The following OR5V1 variants were observed in gnomAD, a reference collection of about 807,000 sequenced individuals.
The protein encoded by OR5V1 is olfactory receptor 5V1.
For missense variants in OR5V1, 365 were observed against 371.5 expected (o/e 0.98, Z 0.14); for synonymous variants, 134 against 143.2 (o/e 0.94, Z 0.46).
intron 1 of OR5V1, among the ~76,000 whole-genome samples, chr6:29,361,298 G>T (rs1172332483): frequency 6.6e-6 from 1 of 152,110 alleles, no homozygotes; most frequent in Non-Finnish European, 1.5e-5. Flanking sequence ...GACCAAACAT[G>T]TGATTGGGTG....
rs11961490 is a variant in OR5V1, at chr6:29,355,222, T to C, written c.*8A>G. 36,937 of 1,562,970 alleles carry C rather than the reference T, an allele frequency of 0.024. 1,649 individuals carry two copies. Among genetic ancestry groups the C allele is most frequent in the African/African-American group, 0.19 (13,843 of 72,570 alleles). On this transcript the variant is annotated 3_prime_UTR_variant, in exon 2 of 2. Coordinates refer to ENST00000641768, the MANE Select transcript of OR5V1 (RefSeq NM_030876.6). ...TTTTGTAGTATAAGATTATTGAACC[T>C]GTGAGGTTCAATAAGTGAGTTTACT...
intron 1 of OR5V1, among the ~76,000 whole-genome samples, chr6:29,362,790 G>T (rs965901381): frequency 6.6e-6 from 1 of 152,144 alleles, no homozygotes; most frequent in East Asian, 1.9e-4. Context: ...CAGGGACACA[G>T]CTAGAGCAGT....
chr6:29,355,089 A>G lies in OR5V1; in HGVS notation c.*141T>C, dbSNP rs9357080. On this transcript the variant is annotated 3_prime_UTR_variant, in exon 2 of 2. Transcript: ENST00000641768. ...CTCTCATAGAACTAACTAAAGCTCAAGAATAAGTACACTTAGACTGGAGTG... is the reference window on the plus strand; with the variant it reads ...CTCTCATAGAACTAACTAAAGCTCAGGAATAAGTACACTTAGACTGGAGTG... 0.098 allele frequency: 70,012 copies of G among 716,758 alleles called. 3,744 individuals are homozygous for G. The highest frequency in any genetic ancestry group is 0.12 in the Admixed American group (3,645 of 29,918). The allele number at this position is 716,758 out of a possible 1,614,324, so 44.4% of individuals were successfully genotyped here.
Position 29,368,001 on chromosome 6 carries a change from G to A in OR5V1, c.-83+631C>T, listed in dbSNP as rs1374328623. Among the ~76,000 whole-genome samples, 11 of 152,172 alleles carry A rather than the reference G, an allele frequency of 7.2e-5. No homozygotes were observed. The East Asian group carries it at 7.7e-4, about 11-fold the overall frequency. On this transcript the variant is annotated intron_variant, in intron 1 of 1. Coordinates refer to ENST00000641768, the MANE Select transcript of OR5V1 (RefSeq NM_030876.6). The stretch of plus-strand genomic sequence containing the variant: ...AAGGAGAGGCCCCCAGAAAATTCAC[G>A]AGAATGTTTGCCCTCCAAGCTCAGT...
Position 29,355,360 on chromosome 6 carries a change from C to T in OR5V1, c.836G>A (p.Ser279Asn), listed in dbSNP as rs1164982410. 6.2e-7 allele frequency: 1 copy of T among 1,613,908 alleles called. No homozygotes were observed. Among genetic ancestry groups the T allele is most frequent in the African/African-American group, 1.3e-5 (1 of 74,910 alleles). ...KKDRLVSVLY[S>N]VVTPMLNPII... The stretch of plus-strand genomic sequence containing the variant: ...AGGGTTTAGCATGGGGGTAACAACA[C>T]TGTACAACACTGAAACCAACCTATC... Residue 279 changes from serine to asparagine, a missense_variant, in exon 2 of 2, where the codon AGT (serine) becomes AAT (asparagine). Coordinates refer to ENST00000641768, the MANE Select transcript of OR5V1 (RefSeq NM_030876.6).
intron 1 of OR5V1, among the ~76,000 whole-genome samples, chr6:29,361,648 A>T (rs1562930488): frequency 6.6e-6 from 1 of 152,156 alleles, no homozygotes; most frequent in African/African-American, 2.4e-5. Context: ...AAAAAAAAAG[A>T]ATTTTCAACT....
At chr6:29,366,850 T>A (rs1275788827) in intron 1 of OR5V1, among the ~76,000 whole-genome samples, 1 of 152,162 alleles carries the variant, frequency 6.6e-6, no homozygotes, top group African/African-American at 2.4e-5. Context: ...GAGGACACAC[T>A]TGGCTCAGCA....
Position 29,355,876 on chromosome 6 carries a change from A to G in OR5V1, c.320T>C (p.Phe107Ser). 2 of 1,614,074 alleles carry G rather than the reference A, an allele frequency of 1.2e-6. No homozygotes were observed. Among genetic ancestry groups the G allele is most frequent in the Non-Finnish European group, 8.5e-7 (1 of 1,179,962 alleles). The change falls in exon 2 of 2, where the codon TTT becomes TCT. Residue 107 changes from phenylalanine to serine, a missense_variant. By Grantham distance (155) the Phe-to-Ser change is radical (BLOSUM62 -2). Transcript: ENST00000641768. ...CVVQLFAFVF[F>S]VGSECLLLAA... ...CAGTAGGAGACACTCTGATCCTACA[A>G]AGAAAACAAATGCAAAAAGTTGAAC...
chr6:29,360,494 CCCCA>C (rs1778515964), intron 1 of OR5V1, among the ~76,000 whole-genome samples: 1 of 152,190 alleles, frequency 6.6e-6, no homozygotes, highest in Admixed American at 6.5e-5. Flanking sequence ...GAGAGAGACT[CCCCA>C]ACAGGGGTTG....
chr6:29,365,393 GCTAT>G (rs1325390253), intron 1 of OR5V1, among the ~76,000 whole-genome samples: 2 of 150,318 alleles, frequency 1.3e-5, no homozygotes, highest in African/African-American at 4.9e-5. Context: ...GAAAATTTTG[GCTAT>G]CTATCCATCT....
At position 29,355,178 on chromosome 6, in the gene OR5V1, T is replaced by A. The variant is rs1045739982; in HGVS notation, c.*52A>T. 114 of 1,511,404 alleles carry A rather than the reference T, an allele frequency of 7.5e-5. No homozygotes were observed. The highest frequency in any genetic ancestry group is 2.5e-4 in the Admixed American group (11 of 44,042). The allele number at this position is 1,511,404 out of a possible 1,614,324, so 93.6% of individuals were successfully genotyped here. A position where few individuals can be genotyped will look rare whatever the true frequency, so the allele number is the denominator to read the frequency against. ...CTTTTAAACTTTCAATAAAAACAGC[T>A]GACTGGTGAAAAAGTTAATTTTGTA... On this transcript the variant is annotated 3_prime_UTR_variant, in exon 2 of 2. Coordinates refer to ENST00000641768, the MANE Select transcript of OR5V1 (RefSeq NM_030876.6).
At position 29,355,316 on chromosome 6, in the gene OR5V1, T is replaced by A. The variant is rs1481482306; in HGVS notation, c.880A>T (p.Asn294Tyr). ...MLNPIIYTLR[N>Y]KDIKEAVKTI... ...TTGACAGCTTCTTTGATGTCCTTAT[T>A]CCTCAATGTGTAAATTATAGGGTTT... Residue 294 changes from asparagine to tyrosine, a missense_variant, in exon 2 of 2, where the codon AAT becomes TAT. Transcript: ENST00000641768. The A allele has an allele frequency of 1.2e-6, 2 of 1,613,778 alleles. No individual in the cohort carries two copies.
rs1778167220 is a variant in OR5V1, at chr6:29,354,621, A to G, written c.*609T>C. The G allele has an allele frequency of 6.6e-6, 1 of 152,194 alleles. No homozygotes were observed. The highest frequency in any genetic ancestry group is 2.1e-4 in the South Asian group (1 of 4,836). The allele number at this position is 152,194 out of a possible 1,614,324, so 9.4% of individuals were successfully genotyped here. A position where few individuals can be genotyped will look rare whatever the true frequency, so the allele number is the denominator to read the frequency against. On this transcript the variant is annotated 3_prime_UTR_variant, in exon 2 of 2. Coordinates refer to ENST00000641768, the MANE Select transcript of OR5V1 (RefSeq NM_030876.6). ...AAATTCTGCCTTTTGAATAGAATAA[A>G]GAATGCATGTCAAATGGGATTGAAA...
At chr6:29,366,627 A>G (rs1465221858) in intron 1 of OR5V1, among the ~76,000 whole-genome samples, 1 of 33,546 alleles carries the variant, frequency 3.0e-5, no homozygotes, top group Non-Finnish European at 5.4e-5. Flanking sequence ...AAGAAGGAGA[A>G]GCATAAAAGT....
chr6:29,363,362 A>G (rs1402070014), intron 1 of OR5V1, among the ~76,000 whole-genome samples: 1 of 152,182 alleles, frequency 6.6e-6, no homozygotes, highest in Non-Finnish European at 1.5e-5. Context: ...GCTGAATTCT[A>G]CCAGAGGTAC....
At chr6:29,360,989 T>C (rs536733509) in intron 1 of OR5V1, among the ~76,000 whole-genome samples, 1 of 152,184 alleles carries the variant, frequency 6.6e-6, no homozygotes, top group Admixed American at 6.5e-5. Flanking sequence ...CAAACTCCAT[T>C]GAGCTAAAGG....
Position 29,354,547 on chromosome 6 carries a change from T to G in OR5V1, c.*683A>C, listed in dbSNP as rs771631646. 6.6e-6 allele frequency: 1 copy of G among 152,120 alleles called. No individual in the cohort carries two copies. The highest frequency in any genetic ancestry group is 1.5e-5 in the Non-Finnish European group (1 of 67,970). 9.4% of individuals were successfully genotyped at this position (152,120 alleles called of 1,614,324 possible). ...AGTTTCCCAAATTTAAGATACTCTATAAAATAGTAATATGTTTTGGGGACT... is the reference window on the plus strand; with the variant it reads ...AGTTTCCCAAATTTAAGATACTCTAGAAAATAGTAATATGTTTTGGGGACT... On this transcript the variant is annotated 3_prime_UTR_variant, in exon 2 of 2. Coordinates refer to ENST00000641768, the MANE Select transcript of OR5V1 (RefSeq NM_030876.6).
intron 1 of OR5V1, among the ~76,000 whole-genome samples, chr6:29,362,129 G>A (rs957787858): frequency 6.6e-6 from 1 of 151,866 alleles, no homozygotes; most frequent in Non-Finnish European, 1.5e-5. Context: ...AAAAGCAGGG[G>A]TTGCAATCCT....
At position 29,355,473 on chromosome 6, in the gene OR5V1, A is replaced by G; in HGVS notation, c.723T>C (p.Cys241=). The change falls in exon 2 of 2, where the codon TGT becomes TGC. Residue 241 remains cysteine (C), a synonymous_variant. Coordinates refer to ENST00000641768, the MANE Select transcript of OR5V1 (RefSeq NM_030876.6). ...SEGRRKAFST[C]ASHLAIVFLF... is the part of the protein sequence containing the mutation. ...GAAAGACAATGGCCAGGTGGGAGGC[A>G]CATGTAGAGAAGGCTTTTCGTCTTC... 1 of 1,614,050 alleles carries G rather than the reference A, an allele frequency of 6.2e-7. No individual in the cohort carries two copies. Among genetic ancestry groups the G allele is most frequent in the Non-Finnish European group, 8.5e-7 (1 of 1,179,934 alleles).
Sources: gnomAD v4.1 joint callset for allele counts (sites outside exome capture counted in the v4.1 genomes callset) on GRCh38, gnomAD v4.1.1 for gene constraint, MANE v1.5 for transcripts, NCBI Gene and HGNC (gene_info 2026-07-23, HGNC 2026-07-21) for gene names.